CDYL2: variants seen among roughly 807,000 people sequenced by gnomAD.
CDYL2 encodes the protein chromodomain Y-like protein 2.
CDYL2 carries 23 observed loss-of-function variants against 49.4 expected under a neutral mutation model. The observed-to-expected ratio is 0.47, with a 90% CI of 0.34 to 0.66. The LOEUF is 0.66. Among genes scored for constraint, CDYL2 ranks in the 30% least tolerant of loss-of-function variants. CDYL2 has a pLI of 0.01. For synonymous variants in CDYL2, 360 were observed against 268.8 expected, an observed-to-expected ratio of 1.34 and a Z score of -3.32; for missense variants, 678 against 656.4, an observed-to-expected ratio of 1.03 and a Z score of -0.36.
intron 2 of CDYL2, among the ~76,000 whole-genome samples, chr16:80,655,573 C>T (rs189476273): frequency 4.1e-4 from 62 of 152,198 alleles, no homozygotes; most frequent in Admixed American, 3.3e-3. Flanking sequence ...GAGAAGCACC[C>T]GAAGAGACGA....
At chr16:80,667,976 G>C (rs545114394) in intron 2 of CDYL2, among the ~76,000 whole-genome samples, 1 of 152,368 alleles carries the variant, frequency 6.6e-6, no homozygotes, top group Admixed American at 6.5e-5. Flanking sequence ...TGCCCAGGGA[G>C]AGACACAAGT....
intron 1 of CDYL2, among the ~76,000 whole-genome samples, chr16:80,756,404 T>C (rs1906311878): frequency 1.3e-5 from 2 of 151,838 alleles, no homozygotes; most frequent in African/African-American, 4.8e-5. Flanking sequence ...AATAAAAGAA[T>C]ATATAACAAA....
intron 4 of CDYL2, among the ~76,000 whole-genome samples, chr16:80,617,708 T>C (rs1337447169): frequency 6.6e-6 from 1 of 152,170 alleles, no homozygotes; most frequent in Non-Finnish European, 1.5e-5. Context: ...TGCACTTCCA[T>C]CCATCTTCGC....
At chr16:80,621,501 C>T (rs1278275949) in intron 3 of CDYL2, among the ~76,000 whole-genome samples, 1 of 152,246 alleles carries the variant, frequency 6.6e-6, no homozygotes, top group Non-Finnish European at 1.5e-5. Context: ...TCTGGCTCTG[C>T]ACCTTACTAG....
intron 2 of CDYL2, among the ~76,000 whole-genome samples, chr16:80,674,637 T>A (rs1197860403): frequency 1.3e-5 from 2 of 152,212 alleles, no homozygotes; most frequent in African/African-American, 4.8e-5. Flanking sequence ...CCTTAGCCCC[T>A]GGCAACGGCT....
intron 2 of CDYL2, among the ~76,000 whole-genome samples, chr16:80,666,304 T>C (rs968496857): frequency 6.6e-6 from 1 of 152,188 alleles, no homozygotes; most frequent in South Asian, 2.1e-4. Context: ...CAATACTTCC[T>C]GTAACTGGGA....
At chr16:80,790,755 G>T (rs375306822) in intron 1 of CDYL2, among the ~76,000 whole-genome samples, 1 of 152,144 alleles carries the variant, frequency 6.6e-6, no homozygotes, top group South Asian at 2.1e-4. Flanking sequence ...GTCAGTCAGG[G>T]GGGTAGGTCT....
At chr16:80,708,021 A>T (rs911993346) in intron 1 of CDYL2, among the ~76,000 whole-genome samples, 2 of 152,060 alleles carry the variant, frequency 1.3e-5, no homozygotes, top group Non-Finnish European at 2.9e-5. Context: ...AGAGGATCAC[A>T]CTCTTTAGGG....
At chr16:80,605,658 A>G (rs1412617388) in intron 6 of CDYL2, among the ~76,000 whole-genome samples, 1 of 151,748 alleles carries the variant, frequency 6.6e-6, no homozygotes, top group Admixed American at 6.6e-5. Flanking sequence ...AATCACAGTA[A>G]CAATAGTAAT....
At chr16:80,733,620 T>A (rs1006003142) in intron 1 of CDYL2, among the ~76,000 whole-genome samples, 7 of 152,186 alleles carry the variant, frequency 4.6e-5, no homozygotes, top group Admixed American at 1.3e-4. Context: ...ATCTTGGATG[T>A]GCCTCTTCGC....
chr16:80,715,290 C>T (rs533168322), intron 1 of CDYL2, among the ~76,000 whole-genome samples: 2 of 152,224 alleles, frequency 1.3e-5, no homozygotes, highest in South Asian at 4.1e-4. Flanking sequence ...TACAGGAATC[C>T]TTGTGGGACC....
At chr16:80,631,857 T>C (rs1321394100) in intron 3 of CDYL2, among the ~76,000 whole-genome samples, 5 of 152,186 alleles carry the variant, frequency 3.3e-5, no homozygotes, top group African/African-American at 1.2e-4. Context: ...TCACATGCAC[T>C]AGTATTGCTA....
intron 1 of CDYL2, among the ~76,000 whole-genome samples, chr16:80,722,527 A>G (rs1232905709): frequency 6.6e-6 from 1 of 152,246 alleles, no homozygotes; most frequent in African/African-American, 2.4e-5. Flanking sequence ...GAATGGGCAC[A>G]CAAGCTGCAT....
intron 1 of CDYL2, among the ~76,000 whole-genome samples, chr16:80,761,515 C>T (rs377532738): frequency 6.6e-6 from 1 of 152,064 alleles, no homozygotes; most frequent in Non-Finnish European, 1.5e-5. Context: ...ACAGTCCTGC[C>T]ACAGCTCTCA....
At position 80,643,958 on chromosome 16, in the gene CDYL2, T is replaced by G. The variant is rs558089081; in HGVS notation, c.617-10722A>C. On this transcript the variant is annotated intron_variant, in intron 2 of 6. Transcript: ENST00000570137. ...CTTATGCAAATGTCTGAAGTTGGCT[T>G]GAATTTCTCCTAAAACAAAAAAATG... Among the ~76,000 whole-genome samples, 21 of 152,364 alleles carry G rather than the reference T, an allele frequency of 1.4e-4. No homozygotes were observed. The South Asian group carries it at 4.3e-3, about 32-fold the overall frequency.
At chr16:80,628,283 G>A (rs957311246) in intron 3 of CDYL2, 1 of 152,220 alleles carries the variant, frequency 6.6e-6, no homozygotes, top group Non-Finnish European at 1.5e-5. Flanking sequence ...ACTGGACCTA[G>A]CAACTGGCTT....
At chr16:80,779,004 G>A (rs1028515844) in intron 1 of CDYL2, among the ~76,000 whole-genome samples, 15 of 151,910 alleles carry the variant, frequency 9.9e-5, no homozygotes, top group African/African-American at 3.4e-4. Context: ...ACTAAAATGG[G>A]CAAAAATTAT....
chr16:80,754,973 G>C (rs781342232), intron 1 of CDYL2, among the ~76,000 whole-genome samples: 12 of 151,568 alleles, frequency 7.9e-5, no homozygotes, highest in African/African-American at 2.9e-4. Flanking sequence ...CTGGAACTTG[G>C]GCAGTCACCC....
At chr16:80,795,830 C>T (rs918161773) in intron 1 of CDYL2, among the ~76,000 whole-genome samples, 9 of 152,148 alleles carry the variant, frequency 5.9e-5, no homozygotes, top group Admixed American at 4.6e-4. Flanking sequence ...CACATGCATA[C>T]ATGTGTGAGA....
Sources: allele counts gnomAD v4.1 joint callset (sites outside exome capture counted in the v4.1 genomes callset), GRCh38; gene constraint gnomAD v4.1.1; transcripts MANE v1.5; gene names NCBI Gene and HGNC (gene_info 2026-07-23, HGNC 2026-07-21).